Variants in LIFR observed in about 807,000 individuals in gnomAD.
The protein encoded by LIFR is LIF receptor subunit alpha.
LIFR carries 84 observed loss-of-function variants against 122.2 expected under a neutral mutation model. That is an observed-to-expected ratio of 0.69 (90% CI 0.58 to 0.82). The LOEUF is 0.82. Ranked by LOEUF, LIFR falls within the 40% of genes least tolerant of loss-of-function variation. The pLI is 0.00. For missense variants in LIFR, 1,294 were observed against 1,311.6 expected (o/e 0.99, Z 0.21); for synonymous variants, 422 against 434.7 (o/e 0.97, Z 0.36).
At position 38,553,622 on chromosome 5, in the gene LIFR, C is replaced by CTATATATA. The variant is rs66547796; in HGVS notation, c.-20+2704_-20+2711dup. On this transcript the variant is annotated intron_variant, in intron 1 of 19. Coordinates refer to ENST00000453190, the MANE Select transcript of LIFR (RefSeq NM_001127671.2). ...CTAAGAGGAGTTTGGACCATTTAAA[C>CTATATATA]TATATATATATATATATATATATAT... Among the ~76,000 whole-genome samples, 217 of 41,578 alleles carry CTATATATA rather than the reference C, an allele frequency of 5.2e-3. 4 individuals carry two copies. Among genetic ancestry groups the CTATATATA allele is most frequent in the South Asian group, 0.01 (9 of 900 alleles). The allele number at this position is 41,578 out of a possible 152,430, so 27.3% of individuals were successfully genotyped here. A position where few individuals can be genotyped will look rare whatever the true frequency, so the allele number is the denominator to read the frequency against.
chr5:38,589,175 T>G (rs926759912), intron 1 of LIFR, among the ~76,000 whole-genome samples: 2 of 151,956 alleles, frequency 1.3e-5, no homozygotes, highest in Non-Finnish European at 2.9e-5. Context: ...TTTTTATTTT[T>G]TTTTTGTATT....
At chr5:38,597,566 G>A (rs1750131617), upstream of LIFR, among the ~76,000 whole-genome samples, 1 of 152,188 alleles carries the variant, frequency 6.6e-6, no homozygotes, top group African/African-American at 2.4e-5. Context: ...GACATTTTTG[G>A]TTGTCACAAC....
At chr5:38,596,263 T>C (rs1750096057), upstream of LIFR, among the ~76,000 whole-genome samples, 1 of 152,242 alleles carries the variant, frequency 6.6e-6, no homozygotes, top group Non-Finnish European at 1.5e-5. Flanking sequence ...ATGCAAACTT[T>C]CCTGGGTCCA....
intron 1 of LIFR, among the ~76,000 whole-genome samples, chr5:38,562,594 A>G (rs575146171): frequency 6.6e-6 from 1 of 152,346 alleles, no homozygotes; most frequent in African/African-American, 2.4e-5. Context: ...ATGTATTCCT[A>G]TGCTACTGCA....
intron 1 of LIFR, among the ~76,000 whole-genome samples, chr5:38,587,874 G>A (rs1457139861): frequency 1.3e-5 from 2 of 152,182 alleles, no homozygotes; most frequent in Admixed American, 6.5e-5. Context: ...AAAAGCACAT[G>A]TATCTAGTGC....
intron 5 of LIFR, among the ~76,000 whole-genome samples, 159 bp from the exon 6 acceptor site, chr5:38,512,123 T>C (rs1252128897): frequency 6.6e-6 from 1 of 152,184 alleles, no homozygotes; most frequent in African/African-American, 2.4e-5. Flanking sequence ...AATAGCAGAG[T>C]AACAATAATC....
chr5:38,516,942 C>T (rs1174067792), intron 5 of LIFR, among the ~76,000 whole-genome samples: 2 of 152,048 alleles, frequency 1.3e-5, no homozygotes, highest in Non-Finnish European at 2.9e-5. Flanking sequence ...TCATTCTCAG[C>T]AAACTAACAC....
intron 7 of LIFR, among the ~76,000 whole-genome samples, chr5:38,509,375 C>T (rs1276787707): frequency 6.6e-6 from 1 of 152,102 alleles, no homozygotes; most frequent in South Asian, 2.1e-4. Flanking sequence ...CATAACCTCA[C>T]TTTCACTTGA....
chr5:38,555,389 T>C (rs946036945), intron 1 of LIFR, among the ~76,000 whole-genome samples: 2 of 152,174 alleles, frequency 1.3e-5, no homozygotes, highest in Non-Finnish European at 2.9e-5. Context: ...TTAAATTTAA[T>C]TTCTGTACCA....
chr5:38,583,296 CA>C (rs1250668706), intron 1 of LIFR, among the ~76,000 whole-genome samples: 3 of 152,136 alleles, frequency 2.0e-5, no homozygotes, highest in Non-Finnish European at 4.4e-5. Context: ...TAGTATTAAT[CA>C]TATGCTTTAT....
At chr5:38,534,158 G>A (rs1294207386) in intron 1 of LIFR, among the ~76,000 whole-genome samples, 2 of 152,200 alleles carry the variant, frequency 1.3e-5, no homozygotes, top group East Asian at 1.9e-4. Context: ...TGTTTCCTAG[G>A]AGGAAACATC....
At chr5:38,493,835 A>T (rs776975091) in intron 13 of LIFR, 50 bp from the exon 14 acceptor site, 1 of 1,460,602 alleles carries the variant, frequency 6.8e-7, no homozygotes, top group East Asian at 2.3e-5. Flanking sequence ...CAATAATATA[A>T]GGCAAATCTC....
chr5:38,578,309 T>C lies in LIFR; in HGVS notation c.-20+16952A>G, dbSNP rs187313436. Among the ~76,000 whole-genome samples the C allele has an allele frequency of 1.6e-4, 24 of 147,136 alleles. No homozygotes were observed. The East Asian group carries it at 4.3e-3, about 27-fold the overall frequency. Reference sequence around the variant, plus strand: ...GCAACGTCTGCCTCCCGGTTTCAAGTGATTCCCCTGCCTCAGCCTCCTGAG... The same window carrying C: ...GCAACGTCTGCCTCCCGGTTTCAAGCGATTCCCCTGCCTCAGCCTCCTGAG... On this transcript the variant is annotated intron_variant, in intron 1 of 19. Coordinates refer to the LIFR transcript ENST00000263409.
At chr5:38,578,017 G>A (rs1385800191) in intron 1 of LIFR, among the ~76,000 whole-genome samples, 1 of 152,112 alleles carries the variant, frequency 6.6e-6, no homozygotes, top group Non-Finnish European at 1.5e-5. Flanking sequence ...TCACATGACT[G>A]TTAATCAAAC....
At chr5:38,570,833 A>G (rs1749185275) in intron 1 of LIFR, among the ~76,000 whole-genome samples, 1 of 152,204 alleles carries the variant, frequency 6.6e-6, no homozygotes, top group South Asian at 2.1e-4. Context: ...TTTTAAGGCT[A>G]TTGTGTTATT....
chr5:38,519,893 C>T (rs957031098), intron 5 of LIFR, among the ~76,000 whole-genome samples: 1 of 152,034 alleles, frequency 6.6e-6, no homozygotes, highest in African/African-American at 2.4e-5. Flanking sequence ...AGGTTGATTC[C>T]ACATATTTTC....
intron 16 of LIFR, among the ~76,000 whole-genome samples, chr5:38,486,630 C>T (rs2112380812): frequency 2.0e-5 from 3 of 152,150 alleles, no homozygotes. Context: ...AGTTCTCTAC[C>T]AGCTCCTCCC....
intron 13 of LIFR, among the ~76,000 whole-genome samples, chr5:38,495,270 C>A (rs935181100): frequency 6.6e-6 from 1 of 152,158 alleles, no homozygotes; most frequent in African/African-American, 2.4e-5. Flanking sequence ...ATAGCTATTG[C>A]CTAGCATTGT....
chr5:38,592,704 A>AT (rs1749967764), intron 1 of LIFR, among the ~76,000 whole-genome samples: 1 of 151,438 alleles, frequency 6.6e-6, no homozygotes, highest in Non-Finnish European at 1.5e-5. Flanking sequence ...ATATGTGCAC[A>AT]TTTTTTCTAT....
Sources: gnomAD v4.1 joint callset for allele counts (sites outside exome capture counted in the v4.1 genomes callset) on GRCh38, gnomAD v4.1.1 for gene constraint, MANE v1.5 for transcripts, NCBI Gene and HGNC (gene_info 2026-07-23, HGNC 2026-07-21) for gene names.